VSTM2L: variants seen among roughly 807,000 people sequenced by gnomAD.
VSTM2L encodes V-set and transmembrane domain containing 2 like.
VSTM2L carries 9 observed loss-of-function variants against 19.9 expected under a neutral mutation model. That is an observed-to-expected ratio of 0.45 (90% CI 0.27 to 0.79). The LOEUF is 0.79. Ranked by LOEUF, VSTM2L falls within the 30% of genes least tolerant of loss-of-function variation. The probability of loss-of-function intolerance (pLI) is 0.15; values close to 1 mark genes in which losing one functional copy is unlikely to be tolerated. For missense variants in VSTM2L, 286 were observed against 295.5 expected, an observed-to-expected ratio of 0.97 and a Z score of 0.24; for synonymous variants, 127 against 133.8, an observed-to-expected ratio of 0.95 and a Z score of 0.35.
At chr20:37,943,269 G>A (rs1236123000) in intron 3 of VSTM2L, among the ~76,000 whole-genome samples, 2 of 151,040 alleles carry the variant, frequency 1.3e-5, no homozygotes, top group African/African-American at 2.4e-5. Flanking sequence ...ATGAGCCACC[G>A]CACTTGGCCT....
chr20:37,944,957 C>G lies in VSTM2L; in HGVS notation c.*704C>G, dbSNP rs1455381062. 1.0e-6 allele frequency: 1 copy of G among 985,698 alleles called. No homozygotes were observed. Among genetic ancestry groups the G allele is most frequent in the East Asian group, 1.1e-4 (1 of 8,788 alleles). The allele number at this position is 985,698 out of a possible 1,614,324, so 61.1% of individuals were successfully genotyped here. A position where few individuals can be genotyped will look rare whatever the true frequency, so the allele number is the denominator to read the frequency against. Reference sequence around the variant, plus strand: ...AGGGGCCTTTCCCTCGGACCCATGGCCCCAGGCAGAGTTTTGCACCAGCAG... The same window carrying G: ...AGGGGCCTTTCCCTCGGACCCATGGGCCCAGGCAGAGTTTTGCACCAGCAG... On this transcript the variant is annotated 3_prime_UTR_variant, in exon 4 of 4. Transcript: ENST00000373461.
At chr20:37,927,356 T>G (rs916868443) in intron 1 of VSTM2L, among the ~76,000 whole-genome samples, 19 of 152,260 alleles carry the variant, frequency 1.2e-4, no homozygotes, top group African/African-American at 4.6e-4. Flanking sequence ...TTCACGTGTT[T>G]TTTTTTACTT....
At chr20:37,903,535 A>G (rs2072733730) in intron 1 of VSTM2L, 64 bp downstream of exon 1, 1 of 1,353,824 alleles carries the variant, frequency 7.4e-7, no homozygotes, top group African/African-American at 1.5e-5. Flanking sequence ...GCGCCACTCC[A>G]ACTTGGCCGC....
Position 37,944,137 on chromosome 20 carries a change from G to T in VSTM2L, c.499G>T (p.Glu167Ter). The change falls in exon 4 of 4, where the codon GAG becomes TAG. Residue 167 changes from glutamate to a stop codon, truncating the protein, a stop_gained. Transcript: ENST00000373461. LOFTEE classifies it high-confidence loss of function. ...VKAYLRVQPG[E>*]NSVLHLPEAP... ...GGCCTACCTGCGGGTGCAGCCAGGG[G>T]AGAACTCCGTCCTGCATCTGCCCGA... is the stretch of plus-strand genomic sequence containing the variant. The T allele has an allele frequency of 6.2e-7, 1 of 1,609,118 alleles. No homozygotes were observed. Among genetic ancestry groups the T allele is most frequent in the Non-Finnish European group, 8.5e-7 (1 of 1,177,646 alleles).
At chr20:37,917,567 C>T (rs1332912245) in intron 1 of VSTM2L, among the ~76,000 whole-genome samples, 1 of 152,248 alleles carries the variant, frequency 6.6e-6, no homozygotes. Flanking sequence ...TAATCAATGA[C>T]ACAGTGGGAA....
At chr20:37,933,136 C>T (rs752182856) in intron 2 of VSTM2L, among the ~76,000 whole-genome samples, 11 of 152,230 alleles carry the variant, frequency 7.2e-5, no homozygotes, top group South Asian at 2.1e-4. Flanking sequence ...TCTGCACAGA[C>T]GTTCACATGG....
At chr20:37,916,474 C>G (rs1476464871) in intron 1 of VSTM2L, among the ~76,000 whole-genome samples, 7 of 152,240 alleles carry the variant, frequency 4.6e-5, no homozygotes, top group Admixed American at 4.6e-4. Flanking sequence ...TATTTTAGTT[C>G]TCCTTAAATC....
At position 37,921,790 on chromosome 20, in the gene VSTM2L, A is replaced by G. The variant is rs541433156; in HGVS notation, c.122-9845A>G. Among the ~76,000 whole-genome samples the G allele has an allele frequency of 2.5e-4, 37 of 150,928 alleles. 1 individual carries two copies. Among genetic ancestry groups the G allele is most frequent in the Admixed American group, 2.2e-3 (34 of 15,152 alleles). On this transcript the variant is annotated intron_variant, in intron 1 of 3. Coordinates refer to ENST00000373461, the MANE Select transcript of VSTM2L (RefSeq NM_080607.3). ...ATGCGGGGAGGGATATTCTGGGAAC[A>G]AGTTCAGGGGATTTTTGTTTTCTTT...
intron 1 of VSTM2L, among the ~76,000 whole-genome samples, chr20:37,903,846 C>T (rs1363137495): frequency 1.3e-5 from 2 of 152,232 alleles, no homozygotes; most frequent in Non-Finnish European, 2.9e-5. Context: ...ATGCCCACTA[C>T]ACACGCACAT....
intron 1 of VSTM2L, among the ~76,000 whole-genome samples, chr20:37,912,103 T>G (rs2072783223): frequency 6.6e-6 from 1 of 152,136 alleles, no homozygotes; most frequent in African/African-American, 2.4e-5. Context: ...GCCCTCCCAT[T>G]TTACAGAGGA....
intron 3 of VSTM2L, among the ~76,000 whole-genome samples, chr20:37,936,372 T>G (rs1424353447): frequency 1.3e-5 from 2 of 152,218 alleles, no homozygotes. Context: ...TTTAGTGGAA[T>G]GTCTCCTGAG....
At chr20:37,930,843 C>T (rs6021939) in intron 1 of VSTM2L, among the ~76,000 whole-genome samples, 77,618 of 151,512 alleles carry the variant, frequency 0.51, 20,060 homozygotes, top group Non-Finnish European at 0.55. Context: ...AGCTGCTCTG[C>T]GCCCGCAACT....
rs1301737879 is a variant in VSTM2L at position 37,944,116 on chromosome 20, T to A, written c.478T>A (p.Tyr160Asn). Residue 160 changes from tyrosine (Y) to asparagine (N), a missense_variant, in exon 4 of 4, where the codon TAC (tyrosine) becomes AAC (asparagine). Tyr to Asn is a moderately radical substitution (Grantham distance 143). Coordinates refer to ENST00000373461, the MANE Select transcript of VSTM2L (RefSeq NM_080607.3). ...GGCCCGGCACCACAAGGTCAAGGCC[T>A]ACCTGCGGGTGCAGCCAGGGGAGAA... ...GKARHHKVKA[Y>N]LRVQPGENSV... The A allele has an allele frequency of 6.2e-7, 1 of 1,611,938 alleles. No individual in the cohort carries two copies. Among genetic ancestry groups the A allele is most frequent in the South Asian group, 1.1e-5 (1 of 90,878 alleles).
At chr20:37,913,290 T>C (rs1009046327) in intron 1 of VSTM2L, among the ~76,000 whole-genome samples, 6 of 152,134 alleles carry the variant, frequency 3.9e-5, no homozygotes, top group African/African-American at 1.4e-4. Flanking sequence ...TCAAAGGGTT[T>C]TTTGAGGCCC....
chr20:37,917,831 G>A (rs985071098), intron 1 of VSTM2L, among the ~76,000 whole-genome samples: 1 of 152,210 alleles, frequency 6.6e-6, no homozygotes, highest in African/African-American at 2.4e-5. Context: ...GATGGCGTGC[G>A]GCCCACGCAG....
At chr20:37,933,481 C>A in intron 2 of VSTM2L, 58 bp from the exon 3 acceptor site, 2 of 1,351,354 alleles carry the variant, frequency 1.5e-6, no homozygotes, top group Non-Finnish European at 2.1e-6. Flanking sequence ...GCCACCCCAC[C>A]CCCACCCTGT....
intron 2 of VSTM2L, 94 bp downstream of exon 2, chr20:37,931,898 A>G: frequency 1.4e-6 from 2 of 1,381,812 alleles, no homozygotes; most frequent in South Asian, 1.4e-5. Context: ...TCTGAGGGAT[A>G]TGGGCTCCAA....
intron 1 of VSTM2L, among the ~76,000 whole-genome samples, chr20:37,925,706 G>A (rs945741416): frequency 3.3e-5 from 5 of 152,312 alleles, no homozygotes; most frequent in East Asian, 3.9e-4. Context: ...CCCACCGCCC[G>A]TAGGCAGCTC....
intron 1 of VSTM2L, among the ~76,000 whole-genome samples, chr20:37,910,918 TAA>T (rs527960204): frequency 1.3e-4 from 18 of 135,164 alleles, no homozygotes; most frequent in Admixed American, 2.2e-4. Context: ...CCCTGTCTCT[TAA>T]AAAAAAAAAA....
Sources: gnomAD v4.1 joint callset for allele counts (sites outside exome capture counted in the v4.1 genomes callset) on GRCh38, gnomAD v4.1.1 for gene constraint, MANE v1.5 for transcripts, NCBI Gene and HGNC (gene_info 2026-07-23, HGNC 2026-07-21) for gene names.